Variants in NEGR1 observed in about 807,000 individuals in gnomAD.
NEGR1 encodes IgLON family member 4.
In NEGR1, 10 loss-of-function variants were observed where a neutral mutation model predicts 40.9. That is an observed-to-expected ratio of 0.24 (90% CI 0.15 to 0.42). The LOEUF (loss-of-function observed/expected upper bound fraction) is 0.42, where lower values mean the gene tolerates loss of function less well. NEGR1 is among the 10% of genes least tolerant of loss of function. The probability of loss-of-function intolerance (pLI) is 1.00; values close to 1 mark genes in which losing one functional copy is unlikely to be tolerated. For missense variants in NEGR1, 352 were observed against 438.9 expected (o/e 0.80, Z 1.77); for synonymous variants, 185 against 166.8 (o/e 1.11, Z -0.84).
intron 6 of NEGR1, among the ~76,000 whole-genome samples, chr1:71,410,467 G>A (rs1173743211): frequency 6.6e-6 from 1 of 152,068 alleles, no homozygotes; most frequent in South Asian, 2.1e-4. Flanking sequence ...ATTCTAGTTG[G>A]GGATATAAAT....
chr1:71,647,811 C>T (rs1213511), intron 4 of NEGR1, among the ~76,000 whole-genome samples: 66,399 of 151,712 alleles, frequency 0.44, 14,624 homozygotes, highest in East Asian at 0.62. Context: ...ACTACAGCAG[C>T]CACTTCATAC....
chr1:72,240,361 C>T (rs1007872413), intron 1 of NEGR1, among the ~76,000 whole-genome samples: 1 of 151,772 alleles, frequency 6.6e-6, no homozygotes, highest in African/African-American at 2.4e-5. Flanking sequence ...CCTTAGACAT[C>T]TCAAATGGTT....
intron 4 of NEGR1, among the ~76,000 whole-genome samples, chr1:71,664,991 A>G (rs1652192026): frequency 6.6e-6 from 1 of 152,158 alleles, no homozygotes; most frequent in Non-Finnish European, 1.5e-5. Context: ...CTTAAGTCCA[A>G]CAATATCAGG....
intron 3 of NEGR1, among the ~76,000 whole-genome samples, chr1:71,750,766 A>G (rs1411660248): frequency 6.6e-6 from 1 of 152,188 alleles, no homozygotes; most frequent in Non-Finnish European, 1.5e-5. Context: ...CTTATTGTGT[A>G]TTACTTAATC....
intron 6 of NEGR1, among the ~76,000 whole-genome samples, chr1:71,580,063 T>C (rs368617641): frequency 1.3e-5 from 2 of 151,886 alleles, no homozygotes; most frequent in African/African-American, 4.8e-5. Flanking sequence ...AACCCAAATA[T>C]CCAACAATGA....
chr1:71,757,423 T>C (rs1655781272), intron 3 of NEGR1, among the ~76,000 whole-genome samples: 1 of 152,108 alleles, frequency 6.6e-6, no homozygotes, highest in Non-Finnish European at 1.5e-5. Context: ...GGTCCTAGTA[T>C]CCTTTACATC....
intron 1 of NEGR1, among the ~76,000 whole-genome samples, chr1:72,214,916 A>C (rs1384485933): frequency 6.6e-6 from 1 of 152,118 alleles, no homozygotes; most frequent in Non-Finnish European, 1.5e-5. Flanking sequence ...AGCCAATACA[A>C]TCCTAAGCAA....
chr1:72,049,883 C>A (rs1647042202), intron 1 of NEGR1, among the ~76,000 whole-genome samples: 1 of 151,558 alleles, frequency 6.6e-6, no homozygotes, highest in Admixed American at 6.6e-5. Context: ...TTTTGAATGG[C>A]TAAGGTAATG....
rs1656504124 is a variant in NEGR1, at chr1:71,776,271, T to C, written c.436A>G (p.Asn146Asp). 2 of 1,600,986 alleles carry C rather than the reference T, an allele frequency of 1.2e-6. No homozygotes were observed. Among genetic ancestry groups the C allele is most frequent in the South Asian group, 1.1e-5 (1 of 89,618 alleles). ...QVPPKIYDIS[N>D]DMTVNEGTNV... ...GTTCCTTCATTGACGGTCATATCAT[T>C]TGAGATGTCATATATCTTAGGAGGA... The change falls in exon 3 of 7, where the codon AAT becomes GAT. Residue 146 changes from asparagine to aspartate, a missense_variant. Coordinates refer to ENST00000357731, the MANE Select transcript of NEGR1 (RefSeq NM_173808.3).
chr1:72,006,094 C>A (rs1646604524), intron 1 of NEGR1, among the ~76,000 whole-genome samples: 1 of 152,134 alleles, frequency 6.6e-6, no homozygotes. Context: ...TTTAAAACCT[C>A]TTTCAGTGTA....
At chr1:72,184,232 A>G (rs748497514) in intron 1 of NEGR1, among the ~76,000 whole-genome samples, 8 of 152,230 alleles carry the variant, frequency 5.3e-5, no homozygotes, top group Non-Finnish European at 1.0e-4. Flanking sequence ...AGTTTAGCAT[A>G]GTGATTCTTC....
chr1:72,200,289 C>T (rs748537349), intron 1 of NEGR1, among the ~76,000 whole-genome samples: 10 of 151,470 alleles, frequency 6.6e-5, no homozygotes, highest in African/African-American at 1.7e-4. Context: ...GCAGTGGGCT[C>T]GATAAAGAAA....
In NEGR1 at chr1:72,060,840, A is replaced by G. The variant is rs542213707; in HGVS notation, c.177-125529T>C. Among the ~76,000 whole-genome samples, 78 of 151,760 alleles carry G rather than the reference A, an allele frequency of 5.1e-4. 1 individual carries two copies. Among genetic ancestry groups the G allele is most frequent in the African/African-American group, 1.7e-3 (72 of 41,468 alleles). ...AGCAGGGCTATTTTGACAAGACTGG[A>G]TTTAAAAAATTGATTTACTTTCTGG... On this transcript the variant is annotated intron_variant, in intron 1 of 6. Coordinates refer to ENST00000357731, the MANE Select transcript of NEGR1 (RefSeq NM_173808.3).
At chr1:71,992,912 C>T (rs1442067997) in intron 1 of NEGR1, among the ~76,000 whole-genome samples, 2 of 152,162 alleles carry the variant, frequency 1.3e-5, no homozygotes, top group African/African-American at 2.4e-5. Context: ...TGATAGACGT[C>T]TCCAATATAA....
chr1:72,170,403 A>C (rs1651918429), intron 1 of NEGR1, among the ~76,000 whole-genome samples: 1 of 152,082 alleles, frequency 6.6e-6, no homozygotes, highest in African/African-American at 2.4e-5. Flanking sequence ...TGTCTCCCTC[A>C]GCTGGAATGT....
chr1:71,817,667 A>C (rs1658274821), intron 2 of NEGR1, among the ~76,000 whole-genome samples: 1 of 152,026 alleles, frequency 6.6e-6, no homozygotes, highest in South Asian at 2.1e-4. Context: ...CACCTGGCAA[A>C]AAGTGGCATC....
intron 1 of NEGR1, among the ~76,000 whole-genome samples, chr1:72,275,856 A>C: frequency 6.6e-6 from 1 of 152,082 alleles, no homozygotes; most frequent in East Asian, 1.9e-4. Flanking sequence ...TGGCTACTTG[A>C]GAGCTTGAGG....
intron 2 of NEGR1, among the ~76,000 whole-genome samples, chr1:71,847,353 T>C (rs1040303147): frequency 2.0e-5 from 3 of 152,206 alleles, no homozygotes; most frequent in African/African-American, 7.2e-5. Flanking sequence ...AGATAATGCA[T>C]TTGTTACAAA....
At chr1:71,879,681 T>C (rs1660529131) in intron 2 of NEGR1, among the ~76,000 whole-genome samples, 1 of 152,178 alleles carries the variant, frequency 6.6e-6, no homozygotes, top group Non-Finnish European at 1.5e-5. Context: ...CATAACTTTC[T>C]TGCTCTTCAC....
Sources: gnomAD v4.1 joint callset for allele counts (sites outside exome capture counted in the v4.1 genomes callset) on GRCh38, gnomAD v4.1.1 for gene constraint, MANE v1.5 for transcripts, NCBI Gene and HGNC (gene_info 2026-07-23, HGNC 2026-07-21) for gene names.